CFAP44: variants seen among roughly 807,000 people sequenced by gnomAD.
CFAP44 encodes cilia- and flagella-associated protein 44.
In CFAP44, 134 loss-of-function variants were observed where a neutral mutation model predicts 216.2. The ratio of observed to expected loss-of-function variants is 0.62; its 90% CI spans 0.54 to 0.72. CFAP44 has a LOEUF of 0.72. Among genes scored for constraint, CFAP44 ranks in the 30% least tolerant of loss-of-function variants. The pLI, the probability that CFAP44 is intolerant of heterozygous loss-of-function variation, is 0.00. For missense variants in CFAP44, 2,035 were observed against 2,182.1 expected, an observed-to-expected ratio of 0.93 and a Z score of 1.34; for synonymous variants, 700 against 727.6, an observed-to-expected ratio of 0.96 and a Z score of 0.61.
chr3:113,406,334 T>C (rs138720026), intron 8 of CFAP44, among the ~76,000 whole-genome samples: 2 of 152,276 alleles, frequency 1.3e-5, no homozygotes, highest in Non-Finnish European at 2.9e-5. Flanking sequence ...GAAAAGTAAG[T>C]AACATAAATA....
rs1559929750 is a variant in CFAP44, at chr3:113,379,521, GTC to G, written c.2081_2082del (p.Arg694ThrfsTer47). On this transcript the variant is annotated frameshift_variant, in exon 17 of 35. Transcript: ENST00000393845. LOFTEE classifies it high-confidence loss of function. ...CTTATTTTCTCCTTCAACTCCCTTTGTCTCTCCCTCTTTTCAATTTCTATTAA... is the reference window on the plus strand; with the variant it reads ...CTTATTTTCTCCTTCAACTCCCTTTGTCTCCCTCTTTTCAATTTCTATTAA... ...LRLIEIEKRE[R>X]QRELKEKIRE... is the part of the protein sequence containing the mutation. The G allele has an allele frequency of 1.3e-5, 21 of 1,592,106 alleles. No homozygotes were observed. The highest frequency in any genetic ancestry group is 1.8e-5 in the Non-Finnish European group (21 of 1,162,436).
chr3:113,426,046 CCCTGGGCTATAGTTTGCTGA>C, intron 4 of CFAP44, 58 bp downstream of exon 4: 1 of 1,530,260 alleles, frequency 6.5e-7, no homozygotes, highest in Non-Finnish European at 8.8e-7. Flanking sequence ...CATTTGGGCT[CCCTGGGCTATAGTTTGCTGA>C]CCTCTGACCT....
Position 113,353,046 on chromosome 3 carries a change from C to T in CFAP44, c.3065+5699G>A, listed in dbSNP as rs544158543. On this transcript the variant is annotated intron_variant, in intron 22 of 34. Coordinates refer to ENST00000393845, the MANE Select transcript of CFAP44 (RefSeq NM_001164496.2). ...GGAAAAGAGGATTTAATAACAAGGA[C>T]GGTAGGGAGGCAGAGGTGAACCCTG... Among the ~76,000 whole-genome samples, 21 of 152,160 alleles carry T rather than the reference C, an allele frequency of 1.4e-4. No homozygotes were observed. In the South Asian group the frequency reaches 3.1e-3, roughly 23 times the overall value.
At chr3:113,397,638 G>A (rs1028587976) in intron 13 of CFAP44, among the ~76,000 whole-genome samples, 30 of 152,266 alleles carry the variant, frequency 2.0e-4, no homozygotes, top group African/African-American at 7.2e-4. Flanking sequence ...ATTGGTCTGA[G>A]GTAATGTAGT....
At chr3:113,330,095 C>CA in intron 26 of CFAP44, 73 bp downstream of exon 26, 3 of 1,437,472 alleles carry the variant, frequency 2.1e-6, no homozygotes, top group Non-Finnish European at 2.7e-6. Context: ...AATAAATAAA[C>CA]AAAAAACCCG....
In CFAP44 at chr3:113,330,213, T is replaced by G. The variant is rs1950228649; in HGVS notation, c.4071A>C (p.Arg1357Ser). ...GCATGTACACGTGTTTAATCTCGTC[T>G]CTCTTCATAATTTCCAGCTCCACAT... ...PTDVELEIMK[R>S]DEIKHVYMQQ... is the part of the protein sequence containing the mutation. Residue 1357 changes from arginine to serine, a missense_variant, in exon 26 of 35, where the codon AGA becomes AGC. Around this residue, in one of 3 missense-constraint regions of CFAP44, gnomAD observed 1,883 missense variants for 2,023.7 expected, o/e 0.93. Transcript: ENST00000393845. The G allele has an allele frequency of 6.5e-7, 1 of 1,537,594 alleles. No individual in the cohort carries two copies. The highest frequency in any genetic ancestry group is 2.0e-5 in the Admixed American group (1 of 51,006).
intron 22 of CFAP44, among the ~76,000 whole-genome samples, chr3:113,353,849 C>T (rs557154442): frequency 4.0e-4 from 61 of 152,224 alleles, no homozygotes; most frequent in South Asian, 1.7e-3. Context: ...AAGCACTAAT[C>T]AGCACTGCAT....
chr3:113,400,791 C>G, intron 11 of CFAP44, 147 bp from the exon 12 acceptor site: 1 of 733,094 alleles, frequency 1.4e-6, no homozygotes, highest in South Asian at 1.6e-5. Context: ...TTAGAAAGAA[C>G]ACTGGTTCAG....
intron 28 of CFAP44, among the ~76,000 whole-genome samples, chr3:113,308,586 CTTTT>C (rs897744119): frequency 6.7e-6 from 1 of 148,692 alleles, no homozygotes; most frequent in Non-Finnish European, 1.5e-5. Context: ...ATTTTTTTTT[CTTTT>C]TTTTTTCTTT....
At position 113,433,694 on chromosome 3, in the gene CFAP44, A is replaced by T. The variant is rs376684331; in HGVS notation, c.-5-25T>A. The T allele has an allele frequency of 1.3e-4, 204 of 1,541,794 alleles. 2 individuals carry two copies. The highest frequency in any genetic ancestry group is 8.9e-4 in the Admixed American group (53 of 59,766). ...TCTGTAAGTACAAAATGGGGATGAG[A>T]TATGGATAAAGCTGTAAAATTGAAA... On this transcript the variant is annotated intron_variant, in intron 1 of 34. Transcript: ENST00000393845.
At chr3:113,321,621 A>T (rs1950146988) in intron 28 of CFAP44, among the ~76,000 whole-genome samples, 1 of 152,228 alleles carries the variant, frequency 6.6e-6, no homozygotes, top group South Asian at 2.1e-4. Flanking sequence ...AGAAGACCCC[A>T]AAGATTGCCA....
intron 26 of CFAP44, among the ~76,000 whole-genome samples, chr3:113,328,309 T>TTTTTTTTTTTTTTTTTTTTGAG (rs1259280954): frequency 6.7e-6 from 1 of 150,270 alleles, no homozygotes; most frequent in Admixed American, 6.6e-5. Context: ...AATCTCTTTC[T>TTTTTTTTTTTTTTTTTTTTGAG]AAGATTGAAG....
At chr3:113,310,569 T>C (rs1406748414) in intron 28 of CFAP44, among the ~76,000 whole-genome samples, 2 of 152,160 alleles carry the variant, frequency 1.3e-5, no homozygotes, top group Non-Finnish European at 2.9e-5. Context: ...ACATGAAAGT[T>C]TTTAGGATTC....
rs142658669 is a variant in CFAP44 at position 113,375,284 on chromosome 3, C to T, written c.2299-1728G>A. ...TGATGACGTCACAACATTGTGAATA[C>T]GTTTACTACTACTGAGCTGTACACT... On this transcript the variant is annotated intron_variant, in intron 17 of 34. Transcript: ENST00000393845. 3.0e-4 allele frequency among the ~76,000 whole-genome samples: 45 copies of T among 152,184 alleles called. No individual in the cohort carries two copies. In the East Asian group the frequency reaches 5.6e-3, roughly 19 times the overall value.
Position 113,358,725 on chromosome 3 carries a change from G to T in CFAP44, c.3065+20C>A. ...CATGTGCTCTCAAACATCTTAGCTT[G>T]TAGAGAATATGGATCCTACCGATTC... On this transcript the variant is annotated intron_variant, in intron 22 of 34. Transcript: ENST00000393845. 1 of 1,535,784 alleles carries T rather than the reference G, an allele frequency of 6.5e-7. No individual in the cohort carries two copies. Among genetic ancestry groups the T allele is most frequent in the Non-Finnish European group, 8.7e-7 (1 of 1,145,974 alleles).
In CFAP44 at chr3:113,406,985, C is replaced by G; in HGVS notation, c.947G>C (p.Arg316Pro). 1 of 1,614,096 alleles carries G rather than the reference C, an allele frequency of 6.2e-7. No homozygotes were observed. The highest frequency in any genetic ancestry group is 8.5e-7 in the Non-Finnish European group (1 of 1,179,998). ...ATCAGTAGTGATTGTTTTGCCAAAT[C>G]GACCTAGTGATCCCTGCAGCTTGAG... is the stretch of plus-strand genomic sequence containing the variant. ...TGLKLQGSLG[R>P]FGKTITTDIE... is the part of the protein sequence containing the mutation. Residue 316 changes from arginine to proline, a missense_variant, in exon 8 of 35, where the codon CGA (arginine) becomes CCA (proline). By Grantham distance (103) the Arg-to-Pro change is moderately radical. Coordinates refer to ENST00000393845, the MANE Select transcript of CFAP44 (RefSeq NM_001164496.2).
Position 113,403,989 on chromosome 3 carries a change from T to G in CFAP44, c.1033A>C (p.Met345Leu). ...ATCAGACCACCTTCCCAAAGCAGCA[T>G]GTTGCCCCATTCTGACCCTGAGAGC... ...KVLSGSEWGN[M>L]LLWEGGLIKV... The change falls in exon 9 of 35, where the codon ATG (methionine) becomes CTG (leucine). Residue 345 changes from methionine to leucine, a missense_variant. This residue lies in a region of CFAP44 where 1,883 missense variants were observed against 2,023.7 expected (regional missense o/e 0.93). Coordinates refer to ENST00000393845, the MANE Select transcript of CFAP44 (RefSeq NM_001164496.2). 6.2e-7 allele frequency: 1 copy of G among 1,614,052 alleles called. No individual in the cohort carries two copies. Among genetic ancestry groups the G allele is most frequent in the South Asian group, 1.1e-5 (1 of 91,052 alleles).
intron 1 of CFAP44, among the ~76,000 whole-genome samples, chr3:113,435,128 CAGG>C (rs776216393): frequency 6.6e-6 from 1 of 152,162 alleles, no homozygotes; most frequent in Non-Finnish European, 1.5e-5. Flanking sequence ...CAGGCTGAGG[CAGG>C]AGGACTGCTT....
chr3:113,431,983 T>C (rs1033690520), intron 2 of CFAP44: 6 of 152,210 alleles, frequency 3.9e-5, no homozygotes, highest in African/African-American at 1.4e-4. Flanking sequence ...CCACATGTTA[T>C]GCAATTTAAT....
Sources: gnomAD v4.1 joint callset for allele counts (sites outside exome capture counted in the v4.1 genomes callset) on GRCh38, gnomAD v4.1.1 for gene constraint, gnomAD v4.1.1 regional missense constraint, MANE v1.5 for transcripts, NCBI Gene and HGNC (gene_info 2026-07-23, HGNC 2026-07-21) for gene names.